Variants in SPSB1 observed in about 807,000 individuals in gnomAD.
SPSB1 encodes SPRY domain-containing SOCS box protein 1.
Under a neutral mutation model 21.2 loss-of-function variants are expected in SPSB1, and 8 were observed. The observed-to-expected ratio is 0.38, with a 90% CI of 0.22 to 0.68. SPSB1 has a LOEUF of 0.68. Ranked by LOEUF, SPSB1 falls within the 30% of genes least tolerant of loss-of-function variation. The pLI, the probability that SPSB1 is intolerant of heterozygous loss-of-function variation, is 0.53. For synonymous variants in SPSB1, 169 were observed against 161.7 expected (o/e 1.05, Z -0.34); for missense variants, 242 against 377.8 (o/e 0.64, Z 2.98).
chr1:9,342,931 G>C (rs1194702291), intron 1 of SPSB1, among the ~76,000 whole-genome samples: 1 of 152,220 alleles, frequency 6.6e-6, no homozygotes, highest in African/African-American at 2.4e-5. Context: ...AATAAGCCCA[G>C]TTGAAACAGC....
intron 1 of SPSB1, among the ~76,000 whole-genome samples, chr1:9,351,227 A>T (rs1640254211): frequency 6.6e-6 from 1 of 152,246 alleles, no homozygotes; most frequent in Non-Finnish European, 1.5e-5. Flanking sequence ...TGATGGAAGA[A>T]GTTTGCTGAC....
chr1:9,337,709 C>T (rs1640026631), intron 1 of SPSB1, among the ~76,000 whole-genome samples: 1 of 152,200 alleles, frequency 6.6e-6, no homozygotes, highest in African/African-American at 2.4e-5. Flanking sequence ...CACCGGGGCC[C>T]TGAGCCAATA....
rs573994202 is a variant in SPSB1, at chr1:9,320,549, G to A, written c.-150+27478G>A. Among the ~76,000 whole-genome samples the A allele has an allele frequency of 2.0e-5, 3 of 152,326 alleles. No individual in the cohort carries two copies. The South Asian group carries it at 6.2e-4, about 32-fold the overall frequency. ...TTTGTGTATAGTGGCCTCGCTCCGT[G>A]CATCTAAGTTGTTCCTTGATACACA... is the stretch of plus-strand genomic sequence containing the variant. On this transcript the variant is annotated intron_variant, in intron 1 of 2. Coordinates refer to ENST00000328089, the MANE Select transcript of SPSB1 (RefSeq NM_025106.4).
chr1:9,335,215 T>C (rs1294900749), intron 1 of SPSB1, among the ~76,000 whole-genome samples: 1 of 152,132 alleles, frequency 6.6e-6, no homozygotes, highest in African/African-American at 2.4e-5. Flanking sequence ...AAAAGAATGT[T>C]GTGGGGTTAG....
Position 9,292,942 on chromosome 1 carries a change from G to A in SPSB1, c.-279G>A, listed in dbSNP as rs1639142875. On this transcript the variant is annotated 5_prime_UTR_variant, in exon 1 of 3. Transcript: ENST00000328089. ...CCTGCGCGCTCGCAGCAGGAACCAG[G>A]CTCCAGGCGCCGGCGCCGGGGCCGG... 1.1e-6 allele frequency: 1 copy of A among 870,556 alleles called. No homozygotes were observed. Among genetic ancestry groups the A allele is most frequent in the African/African-American group, 4.1e-5 (1 of 24,610 alleles). 53.9% of individuals were successfully genotyped at this position (870,556 alleles called of 1,614,324 possible).
At chr1:9,344,975 C>G (rs1169353355) in intron 1 of SPSB1, among the ~76,000 whole-genome samples, 1 of 152,210 alleles carries the variant, frequency 6.6e-6, no homozygotes, top group Non-Finnish European at 1.5e-5. Flanking sequence ...CCTTGGCACC[C>G]TGAAAGCCTG....
chr1:9,309,197 C>T (rs1639472550), intron 1 of SPSB1, among the ~76,000 whole-genome samples: 1 of 145,178 alleles, frequency 6.9e-6, no homozygotes, highest in Non-Finnish European at 1.5e-5. Flanking sequence ...CATTCACCTC[C>T]AAAGTTGTTC....
intron 1 of SPSB1, among the ~76,000 whole-genome samples, chr1:9,302,108 G>A (rs1262739179): frequency 2.6e-5 from 4 of 152,190 alleles, no homozygotes; most frequent in Non-Finnish European, 5.9e-5. Flanking sequence ...GAGCCCACTG[G>A]TTTCGCCTAT....
intron 1 of SPSB1, among the ~76,000 whole-genome samples, chr1:9,319,693 C>T (rs374880370): frequency 3.3e-4 from 50 of 152,264 alleles, no homozygotes; most frequent in African/African-American, 1.1e-3. Context: ...TCGTCTGGCC[C>T]GGCCAGATCT....
chr1:9,331,730 T>A (rs1639923350), intron 1 of SPSB1, among the ~76,000 whole-genome samples: 1 of 152,166 alleles, frequency 6.6e-6, no homozygotes, highest in Admixed American at 6.5e-5. Flanking sequence ...ACCAGCCACG[T>A]TGGTACTTGC....
intron 1 of SPSB1, among the ~76,000 whole-genome samples, chr1:9,297,173 C>T (rs922799934): frequency 6.6e-6 from 1 of 152,142 alleles, no homozygotes; most frequent in Admixed American, 6.5e-5. Context: ...TGAAGCTTAG[C>T]CTGACCCTCT....
At chr1:9,353,872 A>C (rs978528283) in intron 1 of SPSB1, among the ~76,000 whole-genome samples, 2 of 151,436 alleles carry the variant, frequency 1.3e-5, no homozygotes, top group African/African-American at 4.9e-5. Context: ...GAGACGAGAT[A>C]GCGCCATTGC....
In SPSB1 at chr1:9,321,388, T is replaced by TAAA. The variant is rs1243494812; in HGVS notation, c.-150+28317_-150+28318insAAA. ...GGTGGGCTCCGAGCTCCAGGGCCCA[T>TAAA]TCTTGGGAGAGAGCGGATCCTGTGT... On this transcript the variant is annotated intron_variant, in intron 1 of 2. Transcript: ENST00000328089. The surrounding 1 kb of genome is among the most constrained non-coding windows in gnomAD (Gnocchi z 4.8). Among the ~76,000 whole-genome samples, 1 of 152,144 alleles carries TAAA rather than the reference T, an allele frequency of 6.6e-6. No homozygotes were observed. Among genetic ancestry groups the TAAA allele is most frequent in the Non-Finnish European group, 1.5e-5 (1 of 68,016 alleles).
In SPSB1 at chr1:9,363,759, G is replaced by C. The variant is rs1219193122; in HGVS notation, c.695-3689G>C. 6.6e-6 allele frequency among the ~76,000 whole-genome samples: 1 copy of C among 152,092 alleles called. No individual in the cohort carries two copies. Among genetic ancestry groups the C allele is most frequent in the African/African-American group, 2.4e-5 (1 of 41,402 alleles). On this transcript the variant is annotated intron_variant, in intron 2 of 2. Coordinates refer to ENST00000328089, the MANE Select transcript of SPSB1 (RefSeq NM_025106.4). This position sits in a 1 kb window ranked among gnomAD's most constrained non-coding sequence, Gnocchi z 4.5. ...CTGTCACCCAGGCTGTAGTGCAGTG[G>C]CGCAATCTCAGCTCACTGCAAACCT...
At chr1:9,357,160 G>A (rs1266637440) in intron 2 of SPSB1, among the ~76,000 whole-genome samples, 2 of 81,196 alleles carry the variant, frequency 2.5e-5, no homozygotes, top group Non-Finnish European at 5.0e-5. Flanking sequence ...TGGATGGATG[G>A]GTGGATGGAT....
intron 1 of SPSB1, among the ~76,000 whole-genome samples, chr1:9,296,546 C>T (rs1213749487): frequency 6.6e-6 from 1 of 152,234 alleles, no homozygotes; most frequent in Non-Finnish European, 1.5e-5. Context: ...CACATACTCA[C>T]ATATGCACAT....
chr1:9,313,231 T>C (rs1298686113), intron 1 of SPSB1, among the ~76,000 whole-genome samples: 1 of 152,026 alleles, frequency 6.6e-6, no homozygotes, highest in East Asian at 1.9e-4. Flanking sequence ...ACCCTGTCTC[T>C]ACTAAAAAAA....
chr1:9,349,673 G>A (rs1051979386), intron 1 of SPSB1, among the ~76,000 whole-genome samples: 4 of 152,228 alleles, frequency 2.6e-5, no homozygotes, highest in South Asian at 2.1e-4. Context: ...CACCAGCATC[G>A]ACTCTTCGAT....
intron 1 of SPSB1, among the ~76,000 whole-genome samples, chr1:9,350,408 C>G (rs191815204): frequency 6.6e-6 from 1 of 152,180 alleles, no homozygotes; most frequent in Non-Finnish European, 1.5e-5. Context: ...GTCCTGGGGA[C>G]GTGGTGACTA....
Sources: allele counts gnomAD v4.1 joint callset (sites outside exome capture counted in the v4.1 genomes callset), GRCh38; gene constraint gnomAD v4.1.1; non-coding constraint Gnocchi (gnomAD v3.1); transcripts MANE v1.5; gene names NCBI Gene and HGNC (gene_info 2026-07-23, HGNC 2026-07-21).